The following FYB1 variants were observed in gnomAD, a reference collection of about 807,000 sequenced individuals.
FYB1 encodes the protein FYN-binding protein 1.
Under a neutral mutation model 94.1 loss-of-function variants are expected in FYB1, and 41 were observed. The observed-to-expected ratio is 0.44, with a 90% CI of 0.34 to 0.57. The LOEUF (loss-of-function observed/expected upper bound fraction) is 0.57, where lower values mean the gene tolerates loss of function less well. FYB1 is among the 20% of genes least tolerant of loss of function. The pLI is 0.02. For synonymous variants in FYB1, 367 were observed against 353.2 expected (o/e 1.04, Z -0.44); for missense variants, 1,050 against 976.8 (o/e 1.07, Z -1.00).
At chr5:39,184,775 T>C (rs941957714) in intron 2 of FYB1, among the ~76,000 whole-genome samples, 1 of 152,154 alleles carries the variant, frequency 6.6e-6, no homozygotes, top group African/African-American at 2.4e-5. Context: ...CCCAAGTTCA[T>C]TTTAATGTTG....
At chr5:39,133,522 G>A (rs1741390537) in intron 9 of FYB1, among the ~76,000 whole-genome samples, 2 of 152,174 alleles carry the variant, frequency 1.3e-5, no homozygotes, top group South Asian at 4.2e-4. Context: ...GATGGAGAGA[G>A]GAAAGAAGCA....
chr5:39,210,037 C>G (rs909311783), intron 1 of FYB1, among the ~76,000 whole-genome samples: 1 of 152,218 alleles, frequency 6.6e-6, no homozygotes, highest in Non-Finnish European at 1.5e-5. Flanking sequence ...TGACTCTCGC[C>G]GCAAATTAAG....
chr5:39,158,599 G>C (rs1743967207), intron 2 of FYB1, among the ~76,000 whole-genome samples: 1 of 152,234 alleles, frequency 6.6e-6, no homozygotes, highest in African/African-American at 2.4e-5. Flanking sequence ...ATTTCTGTTG[G>C]TCAAAAATGC....
rs560601446 is a variant in FYB1, at chr5:39,131,808, C to T, written c.1818-1196G>A. 1.1e-4 allele frequency among the ~76,000 whole-genome samples: 17 copies of T among 152,230 alleles called. 1 individual carries two copies. In the South Asian group the frequency reaches 3.3e-3, roughly 30 times the overall value. On this transcript the variant is annotated intron_variant, in intron 9 of 18. Transcript: ENST00000512982. Reference sequence around the variant, plus strand: ...ATACTTTTCATCTTGGATTTTTATACCAATTTCCAAAGAACAGGGTTGTTG... The same window carrying T: ...ATACTTTTCATCTTGGATTTTTATATCAATTTCCAAAGAACAGGGTTGTTG...
At position 39,126,092 on chromosome 5, in the gene FYB1, C is replaced by T; in HGVS notation, c.1951G>A (p.Gly651Arg). 6.2e-7 allele frequency: 1 copy of T among 1,613,440 alleles called. No homozygotes were observed. The highest frequency in any genetic ancestry group is 8.5e-7 in the Non-Finnish European group (1 of 1,179,614). Residue 651 changes from glycine to arginine, a missense_variant, in exon 12 of 19, where the codon GGG becomes AGG. Transcript: ENST00000512982. ...TTTCCCTTTAACATCTTCAAAATCC[C>T]CCAGGACCACGTATTACTCTTCTCT... ...VQEKSNTWSW[G>R]ILKMLKGKDD...
chr5:39,238,982 G>C (rs1260659909), intron 1 of FYB1, among the ~76,000 whole-genome samples: 1 of 151,840 alleles, frequency 6.6e-6, no homozygotes, highest in Non-Finnish European at 1.5e-5. Flanking sequence ...TCACTCTAAA[G>C]GGGGCATCAC....
chr5:39,142,503 T>C (rs1742278393), intron 3 of FYB1, among the ~76,000 whole-genome samples: 1 of 152,206 alleles, frequency 6.6e-6, no homozygotes, highest in African/African-American at 2.4e-5. Context: ...ACCCCCTTTC[T>C]TCCATGTGTT....
intron 1 of FYB1, among the ~76,000 whole-genome samples, chr5:39,254,955 G>A (rs1751870179): frequency 1.3e-5 from 2 of 152,088 alleles, no homozygotes; most frequent in Non-Finnish European, 2.9e-5. Flanking sequence ...AGCTGTAAAA[G>A]GCAGAAATGG....
chr5:39,215,380 A>C (rs1045227222), intron 1 of FYB1, among the ~76,000 whole-genome samples: 1 of 152,232 alleles, frequency 6.6e-6, no homozygotes, highest in Non-Finnish European at 1.5e-5. Flanking sequence ...AGGGTAAATA[A>C]AAATATTTTG....
At chr5:39,249,565 A>G (rs1352527912) in intron 1 of FYB1, among the ~76,000 whole-genome samples, 1 of 148,934 alleles carries the variant, frequency 6.7e-6, no homozygotes, top group Non-Finnish European at 1.5e-5. Flanking sequence ...CTAGTAGCAG[A>G]GAGGGATGGA....
intron 1 of FYB1, among the ~76,000 whole-genome samples, chr5:39,266,392 A>G (rs568949624): frequency 1.3e-5 from 2 of 152,326 alleles, no homozygotes; most frequent in South Asian, 2.1e-4. Context: ...ACCCCTTGCT[A>G]GGTTGGAAGA....
At chr5:39,230,876 C>A (rs922290502) in intron 1 of FYB1, among the ~76,000 whole-genome samples, 9 of 128,366 alleles carry the variant, frequency 7.0e-5, no homozygotes, top group Non-Finnish European at 1.6e-4. Flanking sequence ...CACACACACA[C>A]ACATATATAT....
chr5:39,202,823 G>C lies in FYB1; in HGVS notation c.138C>G (p.Ser46Arg), dbSNP rs1164536030. The C allele has an allele frequency of 6.2e-7, 1 of 1,613,992 alleles. No homozygotes were observed. Among genetic ancestry groups the C allele is most frequent in the Non-Finnish European group, 8.5e-7 (1 of 1,179,884 alleles). Reference sequence around the variant, plus strand: ...GTACATTGCTGGGTCCTGCAGGAGGGCTGGCATTTCCTTGGTTGTTGAATA... The same window carrying C: ...GTACATTGCTGGGTCCTGCAGGAGGCCTGGCATTTCCTTGGTTGTTGAATA... ...KNLFNNQGNA[S>R]PPAGPSNVPK... The change falls in exon 2 of 19, where the codon AGC becomes AGG. Residue 46 changes from serine (S) to arginine (R), a missense_variant. Coordinates refer to ENST00000512982, the MANE Select transcript of FYB1 (RefSeq NM_001465.6).
intron 3 of FYB1, among the ~76,000 whole-genome samples, chr5:39,152,929 A>C (rs976157340): frequency 1.3e-5 from 2 of 152,176 alleles, no homozygotes; most frequent in African/African-American, 4.8e-5. Context: ...ATTCTACACT[A>C]TTTTGTGGTC....
chr5:39,194,301 G>A (rs1579631225), intron 2 of FYB1, among the ~76,000 whole-genome samples: 1 of 152,262 alleles, frequency 6.6e-6, no homozygotes, highest in Non-Finnish European at 1.5e-5. Flanking sequence ...CAGGAGGATT[G>A]TTTGAGGCCA....
intron 3 of FYB1, among the ~76,000 whole-genome samples, chr5:39,151,936 G>T (rs181145470): frequency 5.7e-4 from 86 of 152,196 alleles, no homozygotes; most frequent in African/African-American, 1.6e-3. Flanking sequence ...AAACTTTTGA[G>T]CCCAAACATC....
intron 3 of FYB1, among the ~76,000 whole-genome samples, chr5:39,148,013 TC>T (rs986145515): frequency 6.9e-6 from 1 of 145,574 alleles, no homozygotes; most frequent in African/African-American, 2.6e-5. Context: ...CCTTCCTTGA[TC>T]CCAATTAGAG....
intron 2 of FYB1, among the ~76,000 whole-genome samples, chr5:39,178,149 T>C (rs1745903226): frequency 6.6e-6 from 1 of 152,224 alleles, no homozygotes; most frequent in East Asian, 1.9e-4. Flanking sequence ...TGGTCAAATA[T>C]GATTTGGAAA....
intron 2 of FYB1, among the ~76,000 whole-genome samples, chr5:39,177,456 C>T (rs1745837035): frequency 6.6e-6 from 1 of 152,080 alleles, no homozygotes; most frequent in Admixed American, 6.6e-5. Context: ...GTTATTTGTC[C>T]CAGGTCTCCC....
Sources: allele counts gnomAD v4.1 joint callset (sites outside exome capture counted in the v4.1 genomes callset), GRCh38; gene constraint gnomAD v4.1.1; transcripts MANE v1.5; gene names NCBI Gene and HGNC (gene_info 2026-07-23, HGNC 2026-07-21).